FZD10: variants seen among roughly 807,000 people sequenced by gnomAD.
The protein encoded by FZD10 is frizzled class receptor 10.
FZD10 carries 14 observed loss-of-function variants against 24.4 expected under a neutral mutation model. That is an observed-to-expected ratio of 0.57 (90% CI 0.38 to 0.90). The LOEUF (loss-of-function observed/expected upper bound fraction) is 0.90, where lower values mean the gene tolerates loss of function less well. FZD10 is among the 40% of genes least tolerant of loss of function. The pLI, the probability that FZD10 is intolerant of heterozygous loss-of-function variation, is 0.00. For synonymous variants in FZD10, 381 were observed against 349.1 expected, an observed-to-expected ratio of 1.09 and a Z score of -1.02; for missense variants, 775 against 816.6, an observed-to-expected ratio of 0.95 and a Z score of 0.62.
In FZD10 at chr12:130,164,271, T is replaced by G; in HGVS notation, c.1329T>G (p.Arg443=). ...NTDKLEKLMV[R]IGLFSVLYTV... is the part of the protein sequence containing the mutation. ...ACAAGCTGGAGAAGCTCATGGTGCG[T>G]ATCGGGCTCTTCTCTGTGCTGTACA... The change falls in exon 1 of 1, where the codon CGT becomes CGG. Residue 443 remains arginine, a synonymous_variant. Coordinates refer to ENST00000229030, the MANE Select transcript of FZD10 (RefSeq NM_007197.4). This position sits in a 1 kb window ranked among gnomAD's most constrained non-coding sequence, Gnocchi z 5.3. 6.2e-7 allele frequency: 1 copy of G among 1,614,134 alleles called. No homozygotes were observed. The highest frequency in any genetic ancestry group is 1.1e-5 in the South Asian group (1 of 91,076).
In FZD10 at chr12:130,163,162, C is replaced by G. The variant is rs746899085; in HGVS notation, c.220C>G (p.Leu74Val). ...AAIQLHEFAP[L>V]VEYGCHGHLR... ...CATCCAGTTGCACGAGTTCGCGCCG[C>G]TGGTGGAGTACGGCTGCCACGGCCA... is the stretch of plus-strand genomic sequence containing the variant. Residue 74 changes from leucine to valine, a missense_variant, in exon 1 of 1, where the codon CTG (leucine) becomes GTG (valine). Transcript: ENST00000229030. 6.2e-7 allele frequency: 1 copy of G among 1,612,970 alleles called. No individual in the cohort carries two copies. The highest frequency in any genetic ancestry group is 2.2e-5 in the East Asian group (1 of 44,842).
Position 130,162,719 on chromosome 12 carries a change from A to C in FZD10, c.-224A>C. 145 of 233,070 alleles carry C rather than the reference A, an allele frequency of 6.2e-4. No homozygotes were observed. The highest frequency in any genetic ancestry group is 1.8e-3 in the East Asian group (22 of 12,014). 14.4% of individuals were successfully genotyped at this position (233,070 alleles called of 1,614,324 possible). On this transcript the variant is annotated 5_prime_UTR_variant, in exon 1 of 1. Coordinates refer to ENST00000229030, the MANE Select transcript of FZD10 (RefSeq NM_007197.4). ...CCGGGGGCTTCCCTCGCTTCCCGGT[A>C]TTGTTTGCAAACTTTGCTGCTCTCC...
chr12:130,164,758 C>A lies in FZD10; in HGVS notation c.*70C>A. 3 of 1,037,152 alleles carry A rather than the reference C, an allele frequency of 2.9e-6. No individual in the cohort carries two copies. The highest frequency in any genetic ancestry group is 4.1e-6 in the Non-Finnish European group (3 of 739,612). The allele number at this position is 1,037,152 out of a possible 1,614,324, so 64.2% of individuals were successfully genotyped here. On this transcript the variant is annotated 3_prime_UTR_variant, in exon 1 of 1. Transcript: ENST00000229030. The surrounding 1 kb of genome is among the most constrained non-coding windows in gnomAD (Gnocchi z 5.3). ...TGGTGCTTTTCTTGGTTGTGTTTTT[C>A]TTTCTTCTTCTTCTTTTTTTTTTTT...
In FZD10 at chr12:130,162,797, G is replaced by A; in HGVS notation, c.-146G>A. ...GGGCGCGGAGAGCCGAGCCGGGGGC[G>A]CTGTGCGCAGCGCTCGGGCCAGGCC... On this transcript the variant is annotated 5_prime_UTR_variant, in exon 1 of 1. Coordinates refer to ENST00000229030, the MANE Select transcript of FZD10 (RefSeq NM_007197.4). 1 of 404,328 alleles carries A rather than the reference G, an allele frequency of 2.5e-6. No individual in the cohort carries two copies. The highest frequency in any genetic ancestry group is 4.1e-6 in the Non-Finnish European group (1 of 244,482). 25.0% of individuals were successfully genotyped at this position (404,328 alleles called of 1,614,324 possible).
At position 130,163,388 on chromosome 12, in the gene FZD10, A is replaced by T; in HGVS notation, c.446A>T (p.Glu149Val). 6.2e-7 allele frequency: 1 copy of T among 1,612,624 alleles called. No individual in the cohort carries two copies. Among genetic ancestry groups the T allele is most frequent in the Non-Finnish European group, 8.5e-7 (1 of 1,179,946 alleles). ...NKNDPNYLCM[E>V]APNNGSDEPT... ...AACGACCCCAACTACCTGTGCATGG[A>T]GGCGCCCAACAACGGCTCGGACGAG... The change falls in exon 1 of 1, where the codon GAG becomes GTG. Residue 149 changes from glutamate to valine, a missense_variant. Physicochemically the swap from Glu to Val is moderately radical, Grantham distance 121. Coordinates refer to ENST00000229030, the MANE Select transcript of FZD10 (RefSeq NM_007197.4).
chr12:130,163,819 G>T lies in FZD10; in HGVS notation c.877G>T (p.Asp293Tyr). ...CGCCGAGAGCATCGCCTGCGACCGG[G>T]ACAGCGGCCAGCTCTATGTCATCCA... ...AGAESIACDRDSGQLYVIQEG... is the reference protein window; with the variant it reads ...AGAESIACDRYSGQLYVIQEG... Residue 293 changes from aspartate to tyrosine, a missense_variant, in exon 1 of 1, where the codon GAC becomes TAC. Asp to Tyr is a radical substitution (Grantham distance 160). Transcript: ENST00000229030. 1.2e-6 allele frequency: 2 copies of T among 1,613,972 alleles called. No homozygotes were observed. The highest frequency in any genetic ancestry group is 1.1e-5 in the South Asian group (1 of 91,080).
chr12:130,164,717 GC>G lies in FZD10; in HGVS notation c.*32del, dbSNP rs1871776918. The G allele has an allele frequency of 3.4e-6, 5 of 1,486,958 alleles. No individual in the cohort carries two copies. The highest frequency in any genetic ancestry group is 3.6e-6 in the Non-Finnish European group (4 of 1,100,376). 92.1% of individuals were successfully genotyped at this position (1,486,958 alleles called of 1,614,324 possible). On this transcript the variant is annotated 3_prime_UTR_variant, in exon 1 of 1. Transcript: ENST00000229030. The surrounding 1 kb of genome is among the most constrained non-coding windows in gnomAD (Gnocchi z 5.3). Reference sequence around the variant, plus strand: ...GGGCTGGAGGGAAGGGCACAGGGGCGCCCGGAGCTAAGATGTGGTGCTTTTC... The same window carrying G: ...GGGCTGGAGGGAAGGGCACAGGGGCGCCGGAGCTAAGATGTGGTGCTTTTC...
rs748345546 is a variant in FZD10, at chr12:130,163,442, C to A, written c.500C>A (p.Pro167Gln). 1 of 1,611,696 alleles carries A rather than the reference C, an allele frequency of 6.2e-7. No homozygotes were observed. Among genetic ancestry groups the A allele is most frequent in the South Asian group, 1.1e-5 (1 of 91,038 alleles). ...ACCCGGGGCTCGGGCCTGTTCCCGC[C>A]GCTGTTCCGGCCGCAGCGGCCCCAC... ...EPTRGSGLFP[P>Q]LFRPQRPHSA... Residue 167 changes from proline (P) to glutamine (Q), a missense_variant, in exon 1 of 1, where the codon CCG becomes CAG. Transcript: ENST00000229030.
chr12:130,165,043 C>T lies in FZD10; in HGVS notation c.*355C>T. 5.2e-6 allele frequency: 1 copy of T among 191,694 alleles called. No individual in the cohort carries two copies. Among genetic ancestry groups the T allele is most frequent in the Non-Finnish European group, 1.2e-5 (1 of 83,812 alleles). The allele number at this position is 191,694 out of a possible 1,614,324, so 11.9% of individuals were successfully genotyped here. On this transcript the variant is annotated 3_prime_UTR_variant, in exon 1 of 1. Transcript: ENST00000229030. ...TTGAGTTGGCTTTGCTACCCATTTA[C>T]AAATAAGAGGACAGATAACTGCTTT...
In FZD10 at chr12:130,163,465, C is replaced by A. The variant is rs1871720295; in HGVS notation, c.523C>A (p.His175Asn). 1 of 1,609,360 alleles carries A rather than the reference C, an allele frequency of 6.2e-7. No homozygotes were observed. Among genetic ancestry groups the A allele is most frequent in the Admixed American group, 1.7e-5 (1 of 59,690 alleles). ...GCCGCTGTTCCGGCCGCAGCGGCCC[C>A]ACAGCGCGCAGGAGCACCCGCTGAA... ...FPPLFRPQRPHSAQEHPLKDG... is the reference protein window; with the variant it reads ...FPPLFRPQRPNSAQEHPLKDG... Residue 175 changes from histidine (H) to asparagine (N), a missense_variant, in exon 1 of 1, where the codon CAC (histidine) becomes AAC (asparagine). Coordinates refer to ENST00000229030, the MANE Select transcript of FZD10 (RefSeq NM_007197.4).
Position 130,163,339 on chromosome 12 carries a change from G to A in FZD10, c.397G>A (p.Asp133Asn). The A allele has an allele frequency of 6.2e-7, 1 of 1,613,032 alleles. No homozygotes were observed. Residue 133 changes from aspartate (D) to asparagine (N), a missense_variant, in exon 1 of 1, where the codon GAC (aspartate) becomes AAC (asparagine). Asp to Asn is a conservative substitution (Grantham distance 23, BLOSUM62 1). Transcript: ENST00000229030. ...CAACTTCAAGTGGCCCGACTCCCTG[G>A]ACTGCCGGAAACTCCCCAACAAGAA... ...QFNFKWPDSL[D>N]CRKLPNKNDP... is the part of the protein sequence containing the mutation.
In FZD10 at chr12:130,164,304, G is replaced by A. The variant is rs1871762582; in HGVS notation, c.1362G>A (p.Pro454=). The change falls in exon 1 of 1, where the codon CCG becomes CCA. Residue 454 remains proline (P), a synonymous_variant. Coordinates refer to ENST00000229030, the MANE Select transcript of FZD10 (RefSeq NM_007197.4). The surrounding 1 kb of genome is among the most constrained non-coding windows in gnomAD (Gnocchi z 5.3). ...TCTTCTCTGTGCTGTACACCGTGCCGGCCACCTGTGTGATCGCCTGCTACT... is the reference window on the plus strand; with the variant it reads ...TCTTCTCTGTGCTGTACACCGTGCCAGCCACCTGTGTGATCGCCTGCTACT... ...IGLFSVLYTV[P]ATCVIACYFY... 1.2e-6 allele frequency: 2 copies of A among 1,614,154 alleles called. No homozygotes were observed. The highest frequency in any genetic ancestry group is 1.7e-6 in the Non-Finnish European group (2 of 1,180,034).
Position 130,163,991 on chromosome 12 carries a change from A to G in FZD10, c.1049A>G (p.Asn350Ser), listed in dbSNP as rs375157795. ...TGGGGCCACGAGGCCATCGAAGCCA[A>G]CAGCAGCTACTTCCACCTGGCAGCC... ...KKWGHEAIEANSSYFHLAAWA... is the reference protein window; with the variant it reads ...KKWGHEAIEASSSYFHLAAWA... Residue 350 changes from asparagine to serine, a missense_variant, in exon 1 of 1, where the codon AAC becomes AGC. Asn to Ser is a conservative substitution (Grantham distance 46). Coordinates refer to ENST00000229030, the MANE Select transcript of FZD10 (RefSeq NM_007197.4). The G allele has an allele frequency of 9.2e-5, 149 of 1,613,614 alleles. No individual in the cohort carries two copies. Among genetic ancestry groups the G allele is most frequent in the Non-Finnish European group, 3.2e-5 (38 of 1,180,044 alleles).
chr12:130,163,058 T>C lies in FZD10; in HGVS notation c.116T>C (p.Ile39Thr). 6.2e-7 allele frequency: 1 copy of C among 1,612,658 alleles called. No homozygotes were observed. The highest frequency in any genetic ancestry group is 1.7e-5 in the Admixed American group (1 of 60,016). The change falls in exon 1 of 1, where the codon ATC (isoleucine) becomes ACC (threonine). Residue 39 changes from isoleucine (I) to threonine (T), a missense_variant. By Grantham distance (89) the Ile-to-Thr change is moderately conservative. Transcript: ENST00000229030. Reference protein sequence around the residue: ...PGDGKCQPIEIPMCKDIGYNM... With the variant: ...PGDGKCQPIETPMCKDIGYNM... ...GACGGCAAATGCCAGCCCATCGAGA[T>C]CCCGATGTGCAAGGACATCGGCTAC... is the stretch of plus-strand genomic sequence containing the variant.
Position 130,164,805 on chromosome 12 carries a change from C to A in FZD10, c.*117C>A, listed in dbSNP as rs564945223. Reference sequence around the variant, plus strand: ...TTTTTATAAAAGCAAAAGAGAAATACATAAAAAAGTGTTTACCCTGAAATT... The same window carrying A: ...TTTTTATAAAAGCAAAAGAGAAATAAATAAAAAAGTGTTTACCCTGAAATT... On this transcript the variant is annotated 3_prime_UTR_variant, in exon 1 of 1. Coordinates refer to ENST00000229030, the MANE Select transcript of FZD10 (RefSeq NM_007197.4). This position sits in a 1 kb window ranked among gnomAD's most constrained non-coding sequence, Gnocchi z 5.3. The A allele has an allele frequency of 9.5e-5, 68 of 719,158 alleles. 1 individual carries two copies. In the Middle Eastern group the frequency reaches 3.3e-3, roughly 34 times the overall value. 44.5% of individuals were successfully genotyped at this position (719,158 alleles called of 1,614,324 possible).
At position 130,162,951 on chromosome 12, in the gene FZD10, C is replaced by T. The variant is rs1421535234; in HGVS notation, c.9C>T (p.Arg3=). 6.5e-7 allele frequency: 1 copy of T among 1,530,452 alleles called. No individual in the cohort carries two copies. The highest frequency in any genetic ancestry group is 2.0e-5 in the Admixed American group (1 of 50,580). The allele number at this position is 1,530,452 out of a possible 1,614,324, so 94.8% of individuals were successfully genotyped here. Residue 3 remains arginine, a synonymous_variant, in exon 1 of 1, where the codon CGC becomes CGT. Coordinates refer to ENST00000229030, the MANE Select transcript of FZD10 (RefSeq NM_007197.4). MQ[R]PGPRLWLVLQ... Reference sequence around the variant, plus strand: ...ACACGTCCAACGCCAGCATGCAGCGCCCGGGCCCCCGCCTGTGGCTGGTCC... The same window carrying T: ...ACACGTCCAACGCCAGCATGCAGCGTCCGGGCCCCCGCCTGTGGCTGGTCC...
chr12:130,164,772 T>TTC lies in FZD10; in HGVS notation c.*85_*86insCT, dbSNP rs1871779034. 5.9e-5 allele frequency: 7 copies of TTC among 118,058 alleles called. No homozygotes were observed. The highest frequency in any genetic ancestry group is 3.8e-4 in the South Asian group (1 of 2,660). The allele number at this position is 118,058 out of a possible 1,614,324, so 7.3% of individuals were successfully genotyped here. On this transcript the variant is annotated 3_prime_UTR_variant, in exon 1 of 1. Coordinates refer to ENST00000229030, the MANE Select transcript of FZD10 (RefSeq NM_007197.4). This position sits in a 1 kb window ranked among gnomAD's most constrained non-coding sequence, Gnocchi z 5.3. ...GTTGTGTTTTTCTTTCTTCTTCTTCTTTTTTTTTTTTTATAAAAGCAAAAG... is the reference window on the plus strand; with the variant it reads ...GTTGTGTTTTTCTTTCTTCTTCTTCTTCTTTTTTTTTTTTATAAAAGCAAAAG...
At position 130,163,463 on chromosome 12, in the gene FZD10, C is replaced by T. The variant is rs1267882914; in HGVS notation, c.521C>T (p.Pro174Leu). The T allele has an allele frequency of 6.2e-7, 1 of 1,609,384 alleles. No homozygotes were observed. Among genetic ancestry groups the T allele is most frequent in the Admixed American group, 1.7e-5 (1 of 59,692 alleles). Residue 174 changes from proline (P) to leucine (L), a missense_variant, in exon 1 of 1, where the codon CCC becomes CTC. By Grantham distance (98) the Pro-to-Leu change is moderately conservative. Coordinates refer to ENST00000229030, the MANE Select transcript of FZD10 (RefSeq NM_007197.4). ...CCGCCGCTGTTCCGGCCGCAGCGGC[C>T]CCACAGCGCGCAGGAGCACCCGCTG... is the stretch of plus-strand genomic sequence containing the variant. ...LFPPLFRPQR[P>L]HSAQEHPLKD...
In FZD10 at chr12:130,162,934, A is replaced by G. The variant is rs1319989926; in HGVS notation, c.-9A>G. On this transcript the variant is annotated 5_prime_UTR_variant, in exon 1 of 1. Transcript: ENST00000229030. Reference sequence around the variant, plus strand: ...CGGAGCTCCCCGCGAGGACACGTCCAACGCCAGCATGCAGCGCCCGGGCCC... The same window carrying G: ...CGGAGCTCCCCGCGAGGACACGTCCGACGCCAGCATGCAGCGCCCGGGCCC... 2.7e-6 allele frequency: 4 copies of G among 1,505,132 alleles called. No individual in the cohort carries two copies. In the East Asian group the frequency reaches 7.4e-5, roughly 28 times the overall value. 93.2% of individuals were successfully genotyped at this position (1,505,132 alleles called of 1,614,324 possible). A position where few individuals can be genotyped will look rare whatever the true frequency, so the allele number is the denominator to read the frequency against.
Sources: allele counts gnomAD v4.1 joint callset, GRCh38; gene constraint gnomAD v4.1.1; non-coding constraint Gnocchi (gnomAD v3.1); transcripts MANE v1.5; gene names NCBI Gene and HGNC (gene_info 2026-07-23, HGNC 2026-07-21).